Variants in AGAP1 observed in about 807,000 individuals in gnomAD.
AGAP1 encodes the protein ArfGAP with GTPase domain, ankyrin repeat and PH domain 1.
A neutral mutation model predicts 105.3 loss-of-function variants in AGAP1; 29 were observed. The ratio of observed to expected loss-of-function variants is 0.28; its 90% CI spans 0.21 to 0.38. The LOEUF (loss-of-function observed/expected upper bound fraction) is 0.38. Among genes scored for constraint, AGAP1 ranks in the 10% least tolerant of loss-of-function variants. The probability of loss-of-function intolerance (pLI) is 1.00; values close to 1 mark genes in which losing one functional copy is unlikely to be tolerated. For missense variants in AGAP1, 998 were observed against 1,165.1 expected (o/e 0.86, Z 2.09); for synonymous variants, 509 against 485.9 (o/e 1.05, Z -0.63).
At position 236,001,648 on chromosome 2, in the gene AGAP1, A is replaced by C. The variant is rs543653247; in HGVS notation, c.1645+33025A>C. 1.3e-5 allele frequency among the ~76,000 whole-genome samples: 2 copies of C among 152,168 alleles called. No individual in the cohort carries two copies. Among genetic ancestry groups the C allele is most frequent in the African/African-American group, 4.8e-5 (2 of 41,450 alleles). ...CCAGGGCCGGGAGACCAGGAGGCCG[A>C]GAGCGGTAGAACGTCACATCCTGGA... On this transcript the variant is annotated intron_variant, in intron 13 of 17. Coordinates refer to ENST00000304032, the MANE Select transcript of AGAP1 (RefSeq NM_001037131.3). This position sits in a 1 kb window ranked among gnomAD's most constrained non-coding sequence, Gnocchi z 4.7.
chr2:235,984,697 A>C (rs1001911943), intron 13 of AGAP1, among the ~76,000 whole-genome samples: 2 of 151,868 alleles, frequency 1.3e-5, no homozygotes, highest in Non-Finnish European at 2.9e-5. Context: ...GTGAGAACCT[A>C]TGGTGTTTGA....
intron 10 of AGAP1, among the ~76,000 whole-genome samples, chr2:235,899,921 A>G (rs1041655756): frequency 6.6e-6 from 1 of 152,254 alleles, no homozygotes. Flanking sequence ...GTCAAGACAG[A>G]TACAGTCAAG....
intron 9 of AGAP1, among the ~76,000 whole-genome samples, chr2:235,811,936 G>A (rs1958164764): frequency 6.6e-6 from 1 of 152,202 alleles, no homozygotes; most frequent in Admixed American, 6.5e-5. Flanking sequence ...AGAAAGGTAG[G>A]CAAAGACGTG....
chr2:236,107,307 G>A (rs2059523466), intron 16 of AGAP1, among the ~76,000 whole-genome samples: 2 of 152,154 alleles, frequency 1.3e-5, no homozygotes, highest in African/African-American at 4.8e-5. Context: ...TGAGTGCTTG[G>A]CACATCTAGA....
chr2:235,885,683 T>C (rs950806148), intron 10 of AGAP1, among the ~76,000 whole-genome samples: 5 of 152,238 alleles, frequency 3.3e-5, no homozygotes, highest in Admixed American at 6.5e-5. Context: ...CTGAGTTCGC[T>C]TGCTGGCGTC....
At position 235,799,622 on chromosome 2, in the gene AGAP1, C is replaced by A; in HGVS notation, c.957+100C>A. ...TGGTTCAGTGGTATTTGTAGAATCTCAACTATATTAAAGTGAATAACATTG... is the reference window on the plus strand; with the variant it reads ...TGGTTCAGTGGTATTTGTAGAATCTAAACTATATTAAAGTGAATAACATTG... On this transcript the variant is annotated intron_variant, in intron 8 of 17. Transcript: ENST00000304032. This position sits in a 1 kb window ranked among gnomAD's most constrained non-coding sequence, Gnocchi z 5.0. 1 of 1,326,520 alleles carries A rather than the reference C, an allele frequency of 7.5e-7. No individual in the cohort carries two copies. The highest frequency in any genetic ancestry group is 1.0e-6 in the Non-Finnish European group (1 of 962,868). 82.2% of individuals were successfully genotyped at this position (1,326,520 alleles called of 1,614,324 possible).
At chr2:235,711,094 A>C (rs1162711221) in intron 2 of AGAP1, among the ~76,000 whole-genome samples, 1 of 152,338 alleles carries the variant, frequency 6.6e-6, no homozygotes, top group East Asian at 1.9e-4. Context: ...ACTGCCTGAC[A>C]GAACTTTCTC....
intron 13 of AGAP1, among the ~76,000 whole-genome samples, chr2:236,013,545 T>G (rs987785107): frequency 1.3e-5 from 2 of 151,944 alleles, no homozygotes; most frequent in South Asian, 2.1e-4. Context: ...CCTGGCTGCC[T>G]GCTTTGCGGG....
In AGAP1 at chr2:235,753,222, G is replaced by T. The variant is rs530318122; in HGVS notation, c.673+2734G>T. On this transcript the variant is annotated intron_variant, in intron 6 of 17. Coordinates refer to ENST00000304032, the MANE Select transcript of AGAP1 (RefSeq NM_001037131.3). The surrounding 1 kb of genome is among the most constrained non-coding windows in gnomAD (Gnocchi z 4.5). The stretch of plus-strand genomic sequence containing the variant: ...AGCATTTCGTTTTCTTCAGGTTGGG[G>T]GTGGCAAGAGGAGAATAAGGACTGA... Among the ~76,000 whole-genome samples the T allele has an allele frequency of 2.0e-5, 3 of 152,240 alleles. No homozygotes were observed. Among genetic ancestry groups the T allele is most frequent in the African/African-American group, 7.2e-5 (3 of 41,548 alleles).
At chr2:235,563,122 A>G (rs1453008120) in intron 1 of AGAP1, among the ~76,000 whole-genome samples, 1 of 152,214 alleles carries the variant, frequency 6.6e-6, no homozygotes, top group African/African-American at 2.4e-5. Flanking sequence ...GTCTGCAAAC[A>G]GGACCTGCCT....
In AGAP1 at chr2:235,517,494, G is replaced by A. The variant is rs1222209626; in HGVS notation, c.163+22645G>A. Among the ~76,000 whole-genome samples, 6 of 152,094 alleles carry A rather than the reference G, an allele frequency of 3.9e-5. No individual in the cohort carries two copies. The highest frequency in any genetic ancestry group is 1.2e-4 in the African/African-American group (5 of 41,404). On this transcript the variant is annotated intron_variant, in intron 1 of 17. Transcript: ENST00000304032. The surrounding 1 kb of genome is among the most constrained non-coding windows in gnomAD (Gnocchi z 4.1). ...TGGTAATTTTATTTTAATTGAGGTC[G>A]CAGGGACTAATTTTTACTGGAAAGA... is the stretch of plus-strand genomic sequence containing the variant.
intron 16 of AGAP1, among the ~76,000 whole-genome samples, chr2:236,070,743 A>C (rs1376909718): frequency 6.6e-6 from 1 of 152,192 alleles, no homozygotes; most frequent in Non-Finnish European, 1.5e-5. Context: ...ATACGGACAG[A>C]AAGTGGATTG....
intron 1 of AGAP1, among the ~76,000 whole-genome samples, chr2:235,529,762 G>A (rs937912097): frequency 2.0e-5 from 3 of 152,194 alleles, no homozygotes; most frequent in South Asian, 2.1e-4. Flanking sequence ...CTGGGCAGCC[G>A]AGGAAAGAAG....
At chr2:235,937,401 A>G (rs1368067028) in intron 12 of AGAP1, among the ~76,000 whole-genome samples, 1 of 152,158 alleles carries the variant, frequency 6.6e-6, no homozygotes, top group Non-Finnish European at 1.5e-5. Context: ...GAATGTTGTA[A>G]CTTTGTACTT....
rs962675746 is a variant in AGAP1 at position 235,701,484 on chromosome 2, G to A, written c.164-7695G>A. 1.3e-5 allele frequency among the ~76,000 whole-genome samples: 2 copies of A among 152,140 alleles called. No individual in the cohort carries two copies. Among genetic ancestry groups the A allele is most frequent in the African/African-American group, 4.8e-5 (2 of 41,414 alleles). ...ATGGCAAGGTCAGGGGATGCTGTCC[G>A]GACATGTCAGGATGGGAAACTGTCT... On this transcript the variant is annotated intron_variant, in intron 1 of 17. Transcript: ENST00000304032. This position sits in a 1 kb window ranked among gnomAD's most constrained non-coding sequence, Gnocchi z 4.1.
At position 235,849,693 on chromosome 2, in the gene AGAP1, T is replaced by C. The variant is rs554649591; in HGVS notation, c.1051-33652T>C. 4.6e-5 allele frequency among the ~76,000 whole-genome samples: 7 copies of C among 152,258 alleles called. No homozygotes were observed. The South Asian group carries it at 1.5e-3, about 32-fold the overall frequency. On this transcript the variant is annotated intron_variant, in intron 9 of 17. Transcript: ENST00000304032. ...CCTGCTGGGCATGGAGTGTCCAGCCTCACCCAGCCCCTCGCCTGGCCCTTC... is the reference window on the plus strand; with the variant it reads ...CCTGCTGGGCATGGAGTGTCCAGCCCCACCCAGCCCCTCGCCTGGCCCTTC...
In AGAP1 at chr2:235,970,374, A is replaced by G. The variant is rs973865244; in HGVS notation, c.1645+1751A>G. 6.6e-6 allele frequency among the ~76,000 whole-genome samples: 1 copy of G among 152,134 alleles called. No individual in the cohort carries two copies. Among genetic ancestry groups the G allele is most frequent in the African/African-American group, 2.4e-5 (1 of 41,422 alleles). On this transcript the variant is annotated intron_variant, in intron 13 of 17. Coordinates refer to ENST00000304032, the MANE Select transcript of AGAP1 (RefSeq NM_001037131.3). The surrounding 1 kb of genome is among the most constrained non-coding windows in gnomAD (Gnocchi z 5.4). ...TCAGCCGCAGGCGCTCTGTGTTGGT[A>G]AGACTCCTTCAGACAACCGTTGGGC...
At chr2:235,756,808 ACT>A (rs1384516588) in intron 6 of AGAP1, among the ~76,000 whole-genome samples, 3 of 151,704 alleles carry the variant, frequency 2.0e-5, no homozygotes, top group Non-Finnish European at 4.4e-5. Flanking sequence ...TCCTTAGGAG[ACT>A]CTAATGCCTG....
At chr2:236,033,060 A>C (rs1185614867) in intron 13 of AGAP1, among the ~76,000 whole-genome samples, 1 of 152,158 alleles carries the variant, frequency 6.6e-6, no homozygotes, top group Non-Finnish European at 1.5e-5. Context: ...AGCCTGGCCA[A>C]CATGGTGAAA....
Sources: gnomAD v4.1 joint callset for allele counts (sites outside exome capture counted in the v4.1 genomes callset) on GRCh38, gnomAD v4.1.1 for gene constraint, Gnocchi (gnomAD v3.1) non-coding constraint, MANE v1.5 for transcripts, NCBI Gene and HGNC (gene_info 2026-07-23, HGNC 2026-07-21) for gene names.